FNDC3A: variants seen among roughly 807,000 people sequenced by gnomAD.
FNDC3A encodes the protein fibronectin type-III domain-containing protein 3A.
Under a neutral mutation model 148.9 loss-of-function variants are expected in FNDC3A, and 32 were observed. The observed-to-expected ratio is 0.21, with a 90% CI of 0.16 to 0.29. The LOEUF is 0.29. Ranked by LOEUF, FNDC3A falls within the 10% of genes least tolerant of loss-of-function variation. The probability of loss-of-function intolerance (pLI) is 1.00; values close to 1 mark genes in which losing one functional copy is unlikely to be tolerated. For synonymous variants in FNDC3A, 472 were observed against 473.6 expected (o/e 1.00, Z 0.04); for missense variants, 1,191 against 1,452.8 (o/e 0.82, Z 2.93).
intron 3 of FNDC3A, among the ~76,000 whole-genome samples, chr13:49,092,780 C>G (rs1421634723): frequency 6.6e-6 from 1 of 151,466 alleles, no homozygotes; most frequent in Non-Finnish European, 1.5e-5. Context: ...AAAAAGTGCT[C>G]CTTAATTTCT....
chr13:49,069,602 C>T lies in FNDC3A; in HGVS notation c.100-5687C>T, dbSNP rs181852006. Reference sequence around the variant, plus strand: ...AGACACAGCTTAAATTTTACATACTCTAAAAAGGCATTGAACATACAAATG... The same window carrying T: ...AGACACAGCTTAAATTTTACATACTTTAAAAAGGCATTGAACATACAAATG... On this transcript the variant is annotated intron_variant, in intron 2 of 25. Transcript: ENST00000492622. Among the ~76,000 whole-genome samples the T allele has an allele frequency of 1.2e-3, 185 of 152,296 alleles. 2 individuals are homozygous for T. The highest frequency in any genetic ancestry group is 1.6e-3 in the Non-Finnish European group (106 of 68,014).
chr13:49,037,754 A>G (rs577720691), intron 2 of FNDC3A, among the ~76,000 whole-genome samples: 13 of 152,274 alleles, frequency 8.5e-5, no homozygotes, highest in African/African-American at 3.1e-4. Flanking sequence ...CAAACCCCTT[A>G]TGGGAGCGGG....
intron 1 of FNDC3A, among the ~76,000 whole-genome samples, chr13:48,998,091 G>A (rs1192234206): frequency 6.6e-6 from 1 of 152,122 alleles, no homozygotes; most frequent in Non-Finnish European, 1.5e-5. Context: ...AGATGGAAAT[G>A]AGGAGCATGA....
chr13:49,011,832 C>T (rs537140798), intron 2 of FNDC3A, among the ~76,000 whole-genome samples: 1 of 152,188 alleles, frequency 6.6e-6, no homozygotes, highest in South Asian at 2.1e-4. Flanking sequence ...AACAGGAATT[C>T]CCTATACTGA....
chr13:48,998,282 T>G (rs1952059556), intron 1 of FNDC3A, among the ~76,000 whole-genome samples: 1 of 152,180 alleles, frequency 6.6e-6, no homozygotes. Context: ...CACTGCTTAT[T>G]CAGGTTGAGC....
intron 3 of FNDC3A, among the ~76,000 whole-genome samples, chr13:49,089,332 G>A (rs1027191170): frequency 6.6e-6 from 1 of 152,170 alleles, no homozygotes; most frequent in African/African-American, 2.4e-5. Context: ...CAGTGTTGTT[G>A]CCTTCTCTTG....
At chr13:49,015,998 G>T (rs562408238) in intron 2 of FNDC3A, among the ~76,000 whole-genome samples, 1,201 of 129,776 alleles carry the variant, frequency 9.3e-3, no homozygotes, top group South Asian at 0.014. Context: ...TGCTGGATTC[G>T]GTTTGCCAGT....
intron 2 of FNDC3A, among the ~76,000 whole-genome samples, chr13:49,055,101 T>A (rs1876127114): frequency 6.6e-6 from 1 of 151,930 alleles, no homozygotes; most frequent in African/African-American, 2.4e-5. Context: ...AATTTGCTCT[T>A]CTTTTTTTTT....
chr13:48,984,029 G>T (rs945124795), intron 1 of FNDC3A, among the ~76,000 whole-genome samples: 2 of 152,120 alleles, frequency 1.3e-5, no homozygotes, highest in African/African-American at 2.4e-5. Context: ...ATTTCAGTAA[G>T]CTGATTGGCT....
intron 10 of FNDC3A, among the ~76,000 whole-genome samples, chr13:49,170,693 C>T (rs958450982): frequency 2.0e-5 from 3 of 152,032 alleles, no homozygotes; most frequent in Non-Finnish European, 4.4e-5. Context: ...CTTTGAAGCC[C>T]TCATTTTCTC....
At chr13:48,990,755 C>T (rs902051732) in intron 1 of FNDC3A, among the ~76,000 whole-genome samples, 5 of 151,888 alleles carry the variant, frequency 3.3e-5, no homozygotes, top group South Asian at 2.1e-4. Flanking sequence ...GAGACCCTGC[C>T]CTCCCCTAAA....
chr13:49,196,709 A>G (rs1886172665), intron 19 of FNDC3A, among the ~76,000 whole-genome samples, 168 bp from the exon 20 acceptor site: 1 of 152,190 alleles, frequency 6.6e-6, no homozygotes, highest in Admixed American at 6.5e-5. Context: ...TACTTTCATG[A>G]TTTTTAAGTC....
intron 2 of FNDC3A, among the ~76,000 whole-genome samples, chr13:49,052,364 A>G (rs1214969095): frequency 6.6e-6 from 1 of 152,116 alleles, no homozygotes; most frequent in Non-Finnish European, 1.5e-5. Flanking sequence ...CTTTTGTCCC[A>G]TGGGGTCCTC....
At chr13:49,195,120 A>G (rs1886085550) in intron 19 of FNDC3A, among the ~76,000 whole-genome samples, 1 of 152,164 alleles carries the variant, frequency 6.6e-6, no homozygotes, top group Non-Finnish European at 1.5e-5. Context: ...TGATTAGTAT[A>G]TAGTTTAACT....
intron 25 of FNDC3A, 79 bp downstream of exon 25, chr13:49,203,363 GC>G: frequency 1.9e-6 from 2 of 1,049,958 alleles, no homozygotes; most frequent in Non-Finnish European, 2.8e-6. Context: ...GTAAGATTTG[GC>G]CATCTTTACC....
At chr13:49,024,267 T>C (rs1292767671) in intron 2 of FNDC3A, among the ~76,000 whole-genome samples, 1 of 151,992 alleles carries the variant, frequency 6.6e-6, no homozygotes, top group Non-Finnish European at 1.5e-5. Context: ...CAGGACCAGA[T>C]GGCCTCACTG....
At chr13:49,011,526 C>T (rs776731592) in intron 2 of FNDC3A, among the ~76,000 whole-genome samples, 2 of 152,030 alleles carry the variant, frequency 1.3e-5, no homozygotes, top group African/African-American at 2.4e-5. Flanking sequence ...GAGCCACCGG[C>T]GGCTGGCATC....
chr13:49,076,313 T>C (rs1878108157), intron 3 of FNDC3A, among the ~76,000 whole-genome samples: 1 of 151,998 alleles, frequency 6.6e-6, no homozygotes, highest in Admixed American at 6.6e-5. Context: ...GGCTCAATCT[T>C]AGCTCATTGC....
chr13:49,014,728 T>C lies in FNDC3A; in HGVS notation c.99+8439T>C, dbSNP rs1240795870. 1.9e-3 allele frequency among the ~76,000 whole-genome samples: 239 copies of C among 124,872 alleles called. 1 individual carries two copies. The highest frequency in any genetic ancestry group is 6.6e-3 in the African/African-American group (231 of 35,218). The allele number at this position is 124,872 out of a possible 152,430, so 81.9% of individuals were successfully genotyped here. A position where few individuals can be genotyped will look rare whatever the true frequency, so the allele number is the denominator to read the frequency against. On this transcript the variant is annotated intron_variant, in intron 2 of 25. Coordinates refer to ENST00000492622, the MANE Select transcript of FNDC3A (RefSeq NM_001079673.2). ...GTTTTCTTCTAGGGTTTTTATGGTT[T>C]TAGGTCTAACGTTTAAGTCTTTAAT...
Sources: gnomAD v4.1 joint callset for allele counts (sites outside exome capture counted in the v4.1 genomes callset) on GRCh38, gnomAD v4.1.1 for gene constraint, MANE v1.5 for transcripts, NCBI Gene and HGNC (gene_info 2026-07-23, HGNC 2026-07-21) for gene names.